The following GALNT11 variants were observed in gnomAD, a reference collection of about 807,000 sequenced individuals.
The protein encoded by GALNT11 is UDP-GalNAc:polypeptide N-acetylgalactosaminyltransferase 11.
A neutral mutation model predicts 72.7 loss-of-function variants in GALNT11; 47 were observed. The observed-to-expected ratio is 0.65, with a 90% CI of 0.51 to 0.82. The LOEUF is 0.82. GALNT11 is among the 40% of genes least tolerant of loss of function. The pLI is 0.00. For missense variants in GALNT11, 677 were observed against 778.4 expected (o/e 0.87, Z 1.55); for synonymous variants, 270 against 286.6 (o/e 0.94, Z 0.58).
chr7:152,065,341 A>G (rs543558361), intron 1 of GALNT11, among the ~76,000 whole-genome samples: 32 of 152,110 alleles, frequency 2.1e-4, no homozygotes, highest in African/African-American at 5.5e-4. Context: ...CTAGTTAGCC[A>G]TTTGTCTAAT....
chr7:152,031,670 A>T (rs537161906), intron 1 of GALNT11, among the ~76,000 whole-genome samples: 1 of 152,204 alleles, frequency 6.6e-6, no homozygotes, highest in Non-Finnish European at 1.5e-5. Flanking sequence ...CACGAGTCTG[A>T]GTAAGGACTC....
intron 1 of GALNT11, among the ~76,000 whole-genome samples, chr7:152,031,997 G>A (rs1242829568): frequency 6.6e-6 from 1 of 152,192 alleles, no homozygotes; most frequent in Non-Finnish European, 1.5e-5. Flanking sequence ...AAGGGTCCTG[G>A]TCCCTCTGGC....
At chr7:152,062,442 T>C (rs2084073065) in intron 1 of GALNT11, among the ~76,000 whole-genome samples, 1 of 152,220 alleles carries the variant, frequency 6.6e-6, no homozygotes, top group Admixed American at 6.5e-5. Context: ...CTTTTCCTAA[T>C]TGAATACCCT....
rs140768014 is a variant in GALNT11 at position 152,108,045 on chromosome 7, C to G, written c.720C>G (p.Val240=). Residue 240 remains valine, a synonymous_variant, in exon 6 of 12, where the codon GTC becomes GTG. Coordinates refer to ENST00000430044, the MANE Select transcript of GALNT11 (RefSeq NM_022087.4). The stretch of plus-strand genomic sequence containing the variant: ...CTGTTGTTTCCTCCCCAGGAGAAGT[C>G]CTTGTGTTCCTGGACAGCCACTGTG... ...MIGAAHATGE[V]LVFLDSHCEV... 448 of 1,608,378 alleles carry G rather than the reference C, an allele frequency of 2.8e-4. No homozygotes were observed. The highest frequency in any genetic ancestry group is 5.0e-4 in the Middle Eastern group (3 of 6,008).
In GALNT11 at chr7:152,105,502, C is replaced by T. The variant is rs373911234; in HGVS notation, c.712+132C>T. The T allele has an allele frequency of 7.4e-6, 10 of 1,356,594 alleles. No homozygotes were observed. The East Asian group carries it at 1.9e-4, about 26-fold the overall frequency. The allele number at this position is 1,356,594 out of a possible 1,614,324, so 84.0% of individuals were successfully genotyped here. On this transcript the variant is annotated intron_variant, in intron 5 of 11. Transcript: ENST00000430044. ...GACATTGCCAGCAGGAGAGATGAGGCTTGTTCTGTTTGGGAAAGACCTGTT... is the reference window on the plus strand; with the variant it reads ...GACATTGCCAGCAGGAGAGATGAGGTTTGTTCTGTTTGGGAAAGACCTGTT...
intron 1 of GALNT11, chr7:152,027,635 G>C (rs2082088670): frequency 6.5e-6 from 1 of 153,080 alleles, no homozygotes; most frequent in African/African-American, 2.4e-5. Flanking sequence ...TGACGTGGCT[G>C]CTGCGTAAAT....
intron 5 of GALNT11, 128 bp downstream of exon 5, chr7:152,105,498 G>A: frequency 7.2e-7 from 1 of 1,386,148 alleles, no homozygotes; most frequent in Non-Finnish European, 9.7e-7. Flanking sequence ...CAGGAGAGAT[G>A]AGGCTTGTTC....
rs980027801 is a variant in GALNT11 at position 152,121,895 on chromosome 7, G to C, written c.*218G>C. ...CACGGGTGAAGAAGTGAGTGTCCAC[G>C]GGTGAAGAAGTGAGTATGTTTCACC... On this transcript the variant is annotated 3_prime_UTR_variant, in exon 12 of 12. Coordinates refer to ENST00000430044, the MANE Select transcript of GALNT11 (RefSeq NM_022087.4). 2.0e-6 allele frequency: 1 copy of C among 488,160 alleles called. No individual in the cohort carries two copies. Among genetic ancestry groups the C allele is most frequent in the African/African-American group, 1.9e-5 (1 of 51,360 alleles). The allele number at this position is 488,160 out of a possible 1,614,324, so 30.2% of individuals were successfully genotyped here. A position where few individuals can be genotyped will look rare whatever the true frequency, so the allele number is the denominator to read the frequency against.
At chr7:152,076,516 G>C (rs1376192094) in intron 1 of GALNT11, among the ~76,000 whole-genome samples, 1 of 152,238 alleles carries the variant, frequency 6.6e-6, no homozygotes, top group Non-Finnish European at 1.5e-5. Flanking sequence ...TCTAGAGCCA[G>C]TGTAGCATAC....
chr7:152,060,069 T>C lies in GALNT11; in HGVS notation c.-38-34121T>C, dbSNP rs1264910854. Among the ~76,000 whole-genome samples, 3 of 152,356 alleles carry C rather than the reference T, an allele frequency of 2.0e-5. No individual in the cohort carries two copies. In the East Asian group the frequency reaches 5.8e-4, roughly 29 times the overall value. ...GATCTTTTGGATAACTTGCTGCAGC[T>C]TCTCCATCAGCACTTGCTGCCTCAC... On this transcript the variant is annotated intron_variant, in intron 1 of 11. Coordinates refer to ENST00000430044, the MANE Select transcript of GALNT11 (RefSeq NM_022087.4).
At chr7:152,083,126 CTT>C (rs2085416492) in intron 1 of GALNT11, among the ~76,000 whole-genome samples, 1 of 152,096 alleles carries the variant, frequency 6.6e-6, no homozygotes, top group African/African-American at 2.4e-5. Context: ...TAGTTTGTCA[CTT>C]GTCTTTTTAC....
intron 1 of GALNT11, among the ~76,000 whole-genome samples, chr7:152,051,210 T>TTTTG (rs1554419074): frequency 2.1e-5 from 3 of 146,146 alleles, no homozygotes; most frequent in African/African-American, 5.0e-5. Flanking sequence ...TTTTTTTTTT[T>TTTTG]TTTTTTTTTT....
intron 1 of GALNT11, among the ~76,000 whole-genome samples, chr7:152,088,604 G>A (rs1164012557): frequency 6.6e-6 from 1 of 151,476 alleles, no homozygotes; most frequent in Non-Finnish European, 1.5e-5. Context: ...ATATCAGAGT[G>A]GTAACAGCCT....
intron 1 of GALNT11, among the ~76,000 whole-genome samples, chr7:152,038,737 G>A (rs1361105300): frequency 2.0e-5 from 3 of 152,202 alleles, no homozygotes; most frequent in Admixed American, 6.5e-5. Flanking sequence ...TTAAAAGGAC[G>A]ATCATTGTTG....
chr7:152,069,867 T>A (rs1374569210), intron 1 of GALNT11, among the ~76,000 whole-genome samples: 1 of 152,234 alleles, frequency 6.6e-6, no homozygotes, highest in Non-Finnish European at 1.5e-5. Context: ...ACTGTGACAC[T>A]CTCTTTTGAT....
At chr7:152,047,714 A>G (rs982216966) in intron 1 of GALNT11, among the ~76,000 whole-genome samples, 5 of 146,626 alleles carry the variant, frequency 3.4e-5, no homozygotes, top group African/African-American at 8.2e-5. Flanking sequence ...GTGTGTGCGC[A>G]CACACACAAG....
chr7:152,063,300 C>T (rs1469678492), intron 1 of GALNT11, among the ~76,000 whole-genome samples: 4 of 152,088 alleles, frequency 2.6e-5, no homozygotes, highest in Non-Finnish European at 4.4e-5. Context: ...TCTGTGGGAT[C>T]GGTGGTGATA....
intron 1 of GALNT11, among the ~76,000 whole-genome samples, chr7:152,051,199 GTTTTTTTT>G (rs35668155): frequency 2.1e-5 from 1 of 46,808 alleles, no homozygotes; most frequent in Non-Finnish European, 4.9e-5. Context: ...ATATCTGGTT[GTTTTTTTT>G]TTTTTTTTTT....
intron 1 of GALNT11, among the ~76,000 whole-genome samples, chr7:152,039,150 G>A (rs2082724525): frequency 6.6e-6 from 1 of 152,192 alleles, no homozygotes. Context: ...ATGGCACGCA[G>A]ACTGAGGTGC....
Sources: gnomAD v4.1 joint callset for allele counts (sites outside exome capture counted in the v4.1 genomes callset) on GRCh38, gnomAD v4.1.1 for gene constraint, MANE v1.5 for transcripts, NCBI Gene and HGNC (gene_info 2026-07-23, HGNC 2026-07-21) for gene names.